The following JAKMIP1 variants were observed in gnomAD, a reference collection of about 807,000 sequenced individuals.
The protein encoded by JAKMIP1 is janus kinase and microtubule interacting protein 1.
Under a neutral mutation model 113.0 loss-of-function variants are expected in JAKMIP1, and 33 were observed. The observed-to-expected ratio is 0.29, with a 90% confidence interval of 0.22 to 0.39. JAKMIP1 has a LOEUF of 0.39. Ranked by LOEUF, JAKMIP1 falls within the 10% of genes least tolerant of loss-of-function variation. The pLI is 1.00. For missense variants in JAKMIP1, 813 were observed against 1,080.5 expected (o/e 0.75, Z 3.47); for synonymous variants, 480 against 459.9 (o/e 1.04, Z -0.56).
Position 6,067,033 on chromosome 4 carries a change from G to T in JAKMIP1, c.1303-2025C>A, listed in dbSNP as rs1163665074. Among the ~76,000 whole-genome samples the T allele has an allele frequency of 6.6e-6, 1 of 152,034 alleles. No individual in the cohort carries two copies. Among genetic ancestry groups the T allele is most frequent in the Non-Finnish European group, 1.5e-5 (1 of 68,006 alleles). Reference sequence around the variant, plus strand: ...CAACCATATGAGAAAAGGCTTCCTGGCCACCATGCCCAGGTCCCTCCTGCT... The same window carrying T: ...CAACCATATGAGAAAAGGCTTCCTGTCCACCATGCCCAGGTCCCTCCTGCT... On this transcript the variant is annotated intron_variant, in intron 8 of 20. Transcript: ENST00000409021. The surrounding 1 kb of genome is among the most constrained non-coding windows in gnomAD (Gnocchi z 4.6).
chr4:6,095,785 G>A (rs756636622), intron 3 of JAKMIP1, among the ~76,000 whole-genome samples: 1 of 148,016 alleles, frequency 6.8e-6, no homozygotes, highest in Non-Finnish European at 1.5e-5. Context: ...GCACAGAGGC[G>A]GGGGGCGTCT....
chr4:6,048,818 G>C lies in JAKMIP1; in HGVS notation c.2028+39C>G, dbSNP rs370285134. 581 of 1,560,976 alleles carry C rather than the reference G, an allele frequency of 3.7e-4. 2 individuals are homozygous for C. Among genetic ancestry groups the C allele is most frequent in the Non-Finnish European group, 7.2e-5 (81 of 1,131,798 alleles). ...GTTTCTTGTATGGTGCTGGGAAGCT[G>C]GGACAAGGTGTGAGCACAGAAATGC... is the stretch of plus-strand genomic sequence containing the variant. On this transcript the variant is annotated intron_variant, in intron 16 of 20. Coordinates refer to ENST00000409021, the MANE Select transcript of JAKMIP1 (RefSeq NM_001099433.2).
rs1158498502 is a variant in JAKMIP1, at chr4:6,136,507, G to A, written c.-147-23510C>T. ...TAATCTCTCAAGGTCCCAAGAGGGA[G>A]GCCTCGCTTCCCATATTTTGTATCT... On this transcript the variant is annotated intron_variant, in intron 1 of 20. Coordinates refer to ENST00000409021, the MANE Select transcript of JAKMIP1 (RefSeq NM_001099433.2). This position sits in a 1 kb window ranked among gnomAD's most constrained non-coding sequence, Gnocchi z 5.9. 6.6e-6 allele frequency among the ~76,000 whole-genome samples: 1 copy of A among 152,144 alleles called. No homozygotes were observed. Among genetic ancestry groups the A allele is most frequent in the African/African-American group, 2.4e-5 (1 of 41,440 alleles).
At chr4:6,060,392 A>G in intron 11 of JAKMIP1, 32 bp downstream of exon 11, 1 of 1,534,054 alleles carries the variant, frequency 6.5e-7, no homozygotes, top group East Asian at 2.2e-5. Flanking sequence ...AGAAAGGCTA[A>G]GATTCACAGA....
intron 1 of JAKMIP1, among the ~76,000 whole-genome samples, chr4:6,119,405 G>A (rs751543441): frequency 8.5e-5 from 13 of 152,182 alleles, no homozygotes; most frequent in Non-Finnish European, 1.8e-4. Flanking sequence ...TTAGCTGGGC[G>A]TGGTTGCGCA....
intron 18 of JAKMIP1, among the ~76,000 whole-genome samples, chr4:6,039,652 T>C (rs1442525923): frequency 6.6e-6 from 1 of 152,128 alleles, no homozygotes; most frequent in African/African-American, 2.4e-5. Flanking sequence ...GGAAATGCTG[T>C]GTCTTGATAA....
chr4:6,155,997 G>A lies in JAKMIP1; in HGVS notation c.-147-43000C>T, dbSNP rs748669483. 5.9e-5 allele frequency among the ~76,000 whole-genome samples: 9 copies of A among 152,232 alleles called. No individual in the cohort carries two copies. The highest frequency in any genetic ancestry group is 1.2e-4 in the Non-Finnish European group (8 of 68,040). On this transcript the variant is annotated intron_variant, in intron 1 of 20. Transcript: ENST00000409021. This position sits in a 1 kb window ranked among gnomAD's most constrained non-coding sequence, Gnocchi z 6.1. The stretch of plus-strand genomic sequence containing the variant: ...GTCAGCTCTGTGACTTCTGTCCGTG[G>A]TGGGTTCCTCAGTGCGTAGAACAGT...
chr4:6,170,229 C>A (rs534451959), intron 1 of JAKMIP1, among the ~76,000 whole-genome samples: 41 of 148,116 alleles, frequency 2.8e-4, no homozygotes, highest in Non-Finnish European at 5.2e-4. Context: ...ATAATGCTCT[C>A]CACCATCACC....
Position 6,062,454 on chromosome 4 carries a change from A to G in JAKMIP1, c.1432-14T>C, listed in dbSNP as rs1379753565. 1.3e-6 allele frequency: 2 copies of G among 1,599,458 alleles called. No individual in the cohort carries two copies. The highest frequency in any genetic ancestry group is 4.5e-5 in the East Asian group (2 of 44,532). ...TCGGGCTGTGGCCTTCACATAATGGAGAAGAAAACAAATAATCAAGTGCAA... is the reference window on the plus strand; with the variant it reads ...TCGGGCTGTGGCCTTCACATAATGGGGAAGAAAACAAATAATCAAGTGCAA... On this transcript the variant is annotated splice_polypyrimidine_tract_variant and intron_variant, in intron 9 of 20. Transcript: ENST00000409021.
rs1723786177 is a variant in JAKMIP1 at position 6,167,546 on chromosome 4, C to T, written c.-148+32707G>A. Among the ~76,000 whole-genome samples, 1 of 152,232 alleles carries T rather than the reference C, an allele frequency of 6.6e-6. No homozygotes were observed. Among genetic ancestry groups the T allele is most frequent in the Admixed American group, 6.5e-5 (1 of 15,288 alleles). ...GGCCCTGAGCTTTGAAGGGCCCATG[C>T]TTAGTGCTCTTCTGATGCCATCTTG... On this transcript the variant is annotated intron_variant, in intron 1 of 20. Coordinates refer to ENST00000409021, the MANE Select transcript of JAKMIP1 (RefSeq NM_001099433.2). This position sits in a 1 kb window ranked among gnomAD's most constrained non-coding sequence, Gnocchi z 5.3.
chr4:6,089,845 C>T lies in JAKMIP1; in HGVS notation c.625-4216G>A, dbSNP rs1721794686. Among the ~76,000 whole-genome samples the T allele has an allele frequency of 6.6e-6, 1 of 152,194 alleles. No homozygotes were observed. Among genetic ancestry groups the T allele is most frequent in the Admixed American group, 6.5e-5 (1 of 15,276 alleles). ...ATCTACCCCGAAAATCAGAATGTCA[C>T]CTTACTTCGAAATAGGGCCTTTGCA... On this transcript the variant is annotated intron_variant, in intron 3 of 20. Transcript: ENST00000409021. The surrounding 1 kb of genome is among the most constrained non-coding windows in gnomAD (Gnocchi z 5.3).
At chr4:6,115,875 G>A (rs952874717) in intron 1 of JAKMIP1, among the ~76,000 whole-genome samples, 3 of 152,286 alleles carry the variant, frequency 2.0e-5, no homozygotes, top group South Asian at 2.1e-4. Flanking sequence ...TTGGGCTGCC[G>A]GTGGGGGAAA....
rs777401534 is a variant in JAKMIP1 at position 6,065,018 on chromosome 4, G to T, written c.1303-10C>A. ...TCTCCACAACATGCTTCTGTAAAAC[G>T]CAATTTGTATGATGTTAGCAACGAC... On this transcript the variant is annotated splice_polypyrimidine_tract_variant and intron_variant, in intron 8 of 20. Coordinates refer to ENST00000409021, the MANE Select transcript of JAKMIP1 (RefSeq NM_001099433.2). This position sits in a 1 kb window ranked among gnomAD's most constrained non-coding sequence, Gnocchi z 5.1. 6.2e-7 allele frequency: 1 copy of T among 1,614,026 alleles called. No individual in the cohort carries two copies. The highest frequency in any genetic ancestry group is 2.2e-5 in the East Asian group (1 of 44,870).
In JAKMIP1 at chr4:6,058,458, C is replaced by A. The variant is rs1299709722; in HGVS notation, c.1645-1699G>T. 2.0e-5 allele frequency among the ~76,000 whole-genome samples: 3 copies of A among 152,240 alleles called. No individual in the cohort carries two copies. The East Asian group carries it at 5.8e-4, about 29-fold the overall frequency. Reference sequence around the variant, plus strand: ...TGCTCAAGCATGTCCCAGCTCGCAGCTTATGTCCCTTCCTTATTTGGAAAT... The same window carrying A: ...TGCTCAAGCATGTCCCAGCTCGCAGATTATGTCCCTTCCTTATTTGGAAAT... On this transcript the variant is annotated intron_variant, in intron 11 of 20. Coordinates refer to ENST00000409021, the MANE Select transcript of JAKMIP1 (RefSeq NM_001099433.2).
rs1719448398 is a variant in JAKMIP1, at chr4:6,137,689, G to C, written c.-147-24692C>G. Among the ~76,000 whole-genome samples, 1 of 152,242 alleles carries C rather than the reference G, an allele frequency of 6.6e-6. No individual in the cohort carries two copies. The highest frequency in any genetic ancestry group is 2.4e-5 in the African/African-American group (1 of 41,456). On this transcript the variant is annotated intron_variant, in intron 1 of 20. Coordinates refer to ENST00000409021, the MANE Select transcript of JAKMIP1 (RefSeq NM_001099433.2). The surrounding 1 kb of genome is among the most constrained non-coding windows in gnomAD (Gnocchi z 4.5). ...CTAAAGAGCCACAAACCATATCTCT[G>C]AGACTCCCTTGGAGCTAGGGCTCTG... is the stretch of plus-strand genomic sequence containing the variant.
rs1722203975 is a variant in JAKMIP1 at position 6,156,078 on chromosome 4, A to C, written c.-147-43081T>G. Among the ~76,000 whole-genome samples, 1 of 152,218 alleles carries C rather than the reference A, an allele frequency of 6.6e-6. No homozygotes were observed. Among genetic ancestry groups the C allele is most frequent in the South Asian group, 2.1e-4 (1 of 4,830 alleles). On this transcript the variant is annotated intron_variant, in intron 1 of 20. Transcript: ENST00000409021. The surrounding 1 kb of genome is among the most constrained non-coding windows in gnomAD (Gnocchi z 5.0). ...ATTTGGTGATCCAGAAAACCCATCC[A>C]TCAACAAACTATTCTGAAATAATCT...
In JAKMIP1 at chr4:6,078,996, C is replaced by T. The variant is rs766174181; in HGVS notation, c.1245G>A (p.Glu415=). The T allele has an allele frequency of 6.2e-7, 1 of 1,614,200 alleles. No homozygotes were observed. Among genetic ancestry groups the T allele is most frequent in the Non-Finnish European group, 8.5e-7 (1 of 1,180,036 alleles). ...QQHVIDDLSL[E]RERLLRSKRH... Reference sequence around the variant, plus strand: ...TTTTGGAGCGCAACAGCCGTTCTCTCTCCTAGAAGGAAACACAACGGTTGG... The same window carrying T: ...TTTTGGAGCGCAACAGCCGTTCTCTTTCCTAGAAGGAAACACAACGGTTGG... The change falls in exon 8 of 21, where the codon GAG becomes GAA. Residue 415 remains glutamate (E), a splice_region_variant and synonymous_variant. Transcript: ENST00000409021.
chr4:6,177,028 T>G (rs1332853750), intron 1 of JAKMIP1, among the ~76,000 whole-genome samples: 1 of 152,074 alleles, frequency 6.6e-6, no homozygotes, highest in African/African-American at 2.4e-5. Flanking sequence ...AGTAAGACCC[T>G]GTCTCAAAAA....
At chr4:6,126,796 G>T (rs529703087) in intron 1 of JAKMIP1, among the ~76,000 whole-genome samples, 2 of 147,802 alleles carry the variant, frequency 1.4e-5, no homozygotes, top group South Asian at 2.2e-4. Flanking sequence ...ACTCACAAGC[G>T]CACGCACACA....
Sources: allele counts gnomAD v4.1 joint callset (sites outside exome capture counted in the v4.1 genomes callset), GRCh38; gene constraint gnomAD v4.1.1; non-coding constraint Gnocchi (gnomAD v3.1); transcripts MANE v1.5; gene names NCBI Gene and HGNC (gene_info 2026-07-23, HGNC 2026-07-21).